CDH9: variants seen among roughly 807,000 people sequenced by gnomAD.
The protein encoded by CDH9 is cadherin-9.
A neutral mutation model predicts 70.9 loss-of-function variants in CDH9; 28 were observed. The ratio of observed to expected loss-of-function variants is 0.40; its 90% CI spans 0.29 to 0.54. CDH9 has a LOEUF of 0.54. CDH9 is among the 20% of genes least tolerant of loss of function. CDH9 has a pLI of 0.59. For synonymous variants in CDH9, 409 were observed against 343.1 expected (o/e 1.19, Z -2.12); for missense variants, 874 against 984.4 (o/e 0.89, Z 1.50).
intron 7 of CDH9, among the ~76,000 whole-genome samples, chr5:26,896,883 A>C (rs2111980695): frequency 6.6e-6 from 1 of 152,030 alleles, no homozygotes; most frequent in Non-Finnish European, 1.5e-5. Flanking sequence ...ATTCAGGAGT[A>C]GTTTTTTTGA....
intron 2 of CDH9, among the ~76,000 whole-genome samples, chr5:26,955,561 G>A (rs772846880): frequency 9.1e-5 from 13 of 142,364 alleles, no homozygotes; most frequent in Non-Finnish European, 1.7e-4. Context: ...AGATGTTTCT[G>A]TTGTGGCAGT....
intron 3 of CDH9, among the ~76,000 whole-genome samples, chr5:26,913,449 T>C (rs1466569639): frequency 6.6e-6 from 1 of 152,062 alleles, no homozygotes; most frequent in African/African-American, 2.4e-5. Context: ...TATTTTTTAG[T>C]TCCAAAAGCT....
intron 1 of CDH9, among the ~76,000 whole-genome samples, chr5:27,026,973 G>A (rs182805170): frequency 2.0e-4 from 30 of 152,034 alleles, no homozygotes; most frequent in African/African-American, 6.3e-4. Context: ...TCACTTTACA[G>A]TTGTTAATGC....
At chr5:27,021,558 T>C (rs765650245) in intron 1 of CDH9, among the ~76,000 whole-genome samples, 1 of 151,886 alleles carries the variant, frequency 6.6e-6, no homozygotes, top group Non-Finnish European at 1.5e-5. Flanking sequence ...TCATGAATAC[T>C]CTTTTAAAAT....
Position 26,947,372 on chromosome 5 carries a change from C to T in CDH9, c.229-31448G>A, listed in dbSNP as rs569880876. ...TTAAAACTGTTACAGAGGGTGGTGG[C>T]CCAAGCAGTCCCACAAGACTCTTAT... On this transcript the variant is annotated intron_variant, in intron 2 of 11. Transcript: ENST00000231021. 3.7e-4 allele frequency among the ~76,000 whole-genome samples: 57 copies of T among 152,172 alleles called. 2 individuals carry two copies. Among genetic ancestry groups the T allele is most frequent in the Middle Eastern group, 3.4e-3 (1 of 294 alleles).
At chr5:26,941,211 C>T (rs2112035685) in intron 2 of CDH9, among the ~76,000 whole-genome samples, 1 of 152,290 alleles carries the variant, frequency 6.6e-6, no homozygotes, top group Non-Finnish European at 1.5e-5. Flanking sequence ...ATAATCAGTC[C>T]ACCTGATTCT....
At chr5:27,018,209 C>G (rs12188180) in intron 1 of CDH9, among the ~76,000 whole-genome samples, 1,854 of 151,812 alleles carry the variant, frequency 0.012, 17 homozygotes, top group Middle Eastern at 0.025. Flanking sequence ...GCCATTTAAA[C>G]TGATTTAAGC....
At chr5:26,899,267 C>T (rs1740809722) in intron 7 of CDH9, among the ~76,000 whole-genome samples, 2 of 152,224 alleles carry the variant, frequency 1.3e-5, no homozygotes, top group South Asian at 4.1e-4. Context: ...TGTGGTGATT[C>T]CTCAAGGATC....
chr5:26,931,050 A>G (rs532419490), intron 2 of CDH9, among the ~76,000 whole-genome samples: 2 of 152,310 alleles, frequency 1.3e-5, no homozygotes, highest in South Asian at 4.1e-4. Flanking sequence ...TTAGGCTAAT[A>G]TGCATTACCT....
intron 3 of CDH9, among the ~76,000 whole-genome samples, chr5:26,911,999 A>C (rs1237909736): frequency 6.6e-6 from 1 of 152,094 alleles, no homozygotes; most frequent in Admixed American, 6.6e-5. Flanking sequence ...AATGAATGGA[A>C]ATAAGGGGCA....
At chr5:26,902,394 T>C (rs1351769296) in intron 7 of CDH9, 82 bp downstream of exon 7, 4 of 903,836 alleles carry the variant, frequency 4.4e-6, no homozygotes, top group Non-Finnish European at 6.8e-6. Flanking sequence ...TTATACATTG[T>C]GCAACCATTT....
intron 2 of CDH9, among the ~76,000 whole-genome samples, chr5:26,928,194 A>G (rs1375972341): frequency 6.6e-6 from 1 of 152,120 alleles, no homozygotes; most frequent in Non-Finnish European, 1.5e-5. Context: ...ACATTTTTAT[A>G]TTCCAACAGT....
At chr5:26,887,793 C>T (rs1194949295) in intron 9 of CDH9, among the ~76,000 whole-genome samples, 2 of 152,052 alleles carry the variant, frequency 1.3e-5, no homozygotes, top group African/African-American at 2.4e-5. Context: ...GAAACAGATA[C>T]AGGAAGAATG....
intron 9 of CDH9, among the ~76,000 whole-genome samples, chr5:26,888,783 C>A (rs551915619): frequency 1.3e-5 from 2 of 152,216 alleles, no homozygotes; most frequent in African/African-American, 4.8e-5. Flanking sequence ...CTGGTGAGGG[C>A]TTGCAAATAT....
At chr5:26,990,950 G>T (rs1038008168) in intron 1 of CDH9, among the ~76,000 whole-genome samples, 1 of 152,150 alleles carries the variant, frequency 6.6e-6, no homozygotes, top group Non-Finnish European at 1.5e-5. Context: ...ATGAGATGGG[G>T]CAATAGACTT....
chr5:26,999,603 A>C (rs142010278), intron 1 of CDH9, among the ~76,000 whole-genome samples: 2 of 152,208 alleles, frequency 1.3e-5, no homozygotes, highest in Admixed American at 6.5e-5. Flanking sequence ...CATTTGACAA[A>C]GGGACAAAGG....
At chr5:26,948,495 C>G (rs542563534) in intron 2 of CDH9, among the ~76,000 whole-genome samples, 2 of 152,216 alleles carry the variant, frequency 1.3e-5, no homozygotes, top group East Asian at 1.9e-4. Context: ...ACTGCTAACT[C>G]TATGGGTTAC....
At position 26,996,744 on chromosome 5, in the gene CDH9, ATATATC is replaced by A. The variant is rs200027577; in HGVS notation, c.-49-8368_-49-8363del. Among the ~76,000 whole-genome samples the A allele has an allele frequency of 1.0e-2, 1,510 of 151,556 alleles. 30 individuals carry two copies. Among genetic ancestry groups the A allele is most frequent in the African/African-American group, 0.034 (1,417 of 41,434 alleles). On this transcript the variant is annotated intron_variant, in intron 1 of 11. Coordinates refer to ENST00000231021, the MANE Select transcript of CDH9 (RefSeq NM_016279.4). Reference sequence around the variant, plus strand: ...GCTTAACATATATATCTATATCTCTATATATCTATATCTATATCTATAGATTTATAT... The same window carrying A: ...GCTTAACATATATATCTATATCTCTATATATCTATATCTATAGATTTATAT...
intron 2 of CDH9, among the ~76,000 whole-genome samples, chr5:26,953,975 AT>A (rs1351850680): frequency 3.0e-5 from 4 of 133,600 alleles, no homozygotes; most frequent in African/African-American, 1.0e-4. Flanking sequence ...GATCAAAAAA[AT>A]AAATAAGTGA....
Sources: allele counts gnomAD v4.1 joint callset (sites outside exome capture counted in the v4.1 genomes callset), GRCh38; gene constraint gnomAD v4.1.1; transcripts MANE v1.5; gene names NCBI Gene and HGNC (gene_info 2026-07-23, HGNC 2026-07-21).